The following HMGN4 variants were observed in gnomAD, a reference collection of about 807,000 sequenced individuals.
The protein encoded by HMGN4 is high mobility group nucleosomal binding domain 4, also known as high mobility group nucleosome-binding domain-containing protein 4.
For missense variants in HMGN4, 69 were observed against 104.9 expected (o/e 0.66, Z 1.49); for synonymous variants, 39 against 39.1 (o/e 1.00, Z 0.01).
chr6:26,546,259 T>C lies in HMGN4; in HGVS notation c.*780T>C, dbSNP rs1764349379. The C allele has an allele frequency of 6.0e-6, 1 of 167,094 alleles. No homozygotes were observed. The highest frequency in any genetic ancestry group is 6.5e-5 in the Admixed American group (1 of 15,274). The allele number at this position is 167,094 out of a possible 1,614,324, so 10.4% of individuals were successfully genotyped here. A position where few individuals can be genotyped will look rare whatever the true frequency, so the allele number is the denominator to read the frequency against. ...GAATACAAATTGGTTTGGGGGGAGATCCTTTCCTACCCAAAGTCATAAATA... is the reference window on the plus strand; with the variant it reads ...GAATACAAATTGGTTTGGGGGGAGACCCTTTCCTACCCAAAGTCATAAATA... On this transcript the variant is annotated 3_prime_UTR_variant, in exon 2 of 2. Coordinates refer to ENST00000377575, the MANE Select transcript of HMGN4 (RefSeq NM_006353.3).
intron 1 of HMGN4, among the ~76,000 whole-genome samples, chr6:26,544,715 A>T (rs745735437): frequency 2.0e-5 from 3 of 152,194 alleles, no homozygotes; most frequent in Admixed American, 1.3e-4. Flanking sequence ...TGATTGCTCC[A>T]TATCAGCTGA....
intron 1 of HMGN4, among the ~76,000 whole-genome samples, chr6:26,539,430 C>A (rs954051313): frequency 2.0e-5 from 3 of 151,884 alleles, no homozygotes; most frequent in Admixed American, 6.6e-5. Flanking sequence ...ACACTACACC[C>A]GGATAATTTT....
At chr6:26,539,764 C>T (rs1345800653) in intron 1 of HMGN4, 1 of 151,952 alleles carries the variant, frequency 6.6e-6, no homozygotes, top group Non-Finnish European at 1.5e-5. Context: ...CTTTTGTCAT[C>T]TTGCTGGTTC....
At chr6:26,544,837 C>G (rs1265547436) in intron 1 of HMGN4, among the ~76,000 whole-genome samples, 3 of 152,180 alleles carry the variant, frequency 2.0e-5, no homozygotes, top group Non-Finnish European at 4.4e-5. Flanking sequence ...TTATTCCTCA[C>G]TCATGCTTCC....
intron 1 of HMGN4, among the ~76,000 whole-genome samples, chr6:26,541,074 T>C (rs1381196256): frequency 6.6e-6 from 1 of 152,096 alleles, no homozygotes; most frequent in African/African-American, 2.4e-5. Flanking sequence ...TGAAACAGAA[T>C]CTCACTCTAT....
chr6:26,540,377 C>T (rs1445643969), intron 1 of HMGN4, among the ~76,000 whole-genome samples: 4 of 151,612 alleles, frequency 2.6e-5, no homozygotes, highest in African/African-American at 9.7e-5. Context: ...CTCTGTCACC[C>T]AGGCTGGAGT....
chr6:26,541,175 T>C (rs892996104), intron 1 of HMGN4, among the ~76,000 whole-genome samples: 2 of 152,086 alleles, frequency 1.3e-5, no homozygotes, highest in African/African-American at 4.8e-5. Flanking sequence ...GCATCCTTAG[T>C]AGCTGGGATT....
intron 1 of HMGN4, among the ~76,000 whole-genome samples, chr6:26,539,534 G>A (rs1413835130): frequency 6.6e-6 from 1 of 150,744 alleles, no homozygotes; most frequent in Non-Finnish European, 1.5e-5. Context: ...GCCTCCCAAA[G>A]TGCTGAGATT....
intron 1 of HMGN4, among the ~76,000 whole-genome samples, chr6:26,539,634 T>TAAAAAA (rs61003052): frequency 7.2e-5 from 9 of 124,964 alleles, no homozygotes; most frequent in East Asian, 2.4e-4. Context: ...TCCGCAAAAT[T>TAAAAAA]AAAAAAAAAA....
In HMGN4 at chr6:26,545,298, A is replaced by G; in HGVS notation, c.92A>G (p.Lys31Arg). The change falls in exon 2 of 2, where the codon AAA becomes AGA. Residue 31 changes from lysine to arginine, a missense_variant. Coordinates refer to ENST00000377575, the MANE Select transcript of HMGN4 (RefSeq NM_006353.3). ...AGGAGATCAGCTCGGTTGTCTGCTA[A>G]ACCAGCTCCTCCAAAACCAGAGCCC... is the stretch of plus-strand genomic sequence containing the variant. ...PQRRSARLSA[K>R]PAPPKPEPRP... 2 of 1,614,184 alleles carry G rather than the reference A, an allele frequency of 1.2e-6. No individual in the cohort carries two copies.
In HMGN4 at chr6:26,541,534, T is replaced by G. The variant is rs138006042; in HGVS notation, c.-81+3033T>G. Among the ~76,000 whole-genome samples the G allele has an allele frequency of 5.3e-5, 8 of 152,336 alleles. No individual in the cohort carries two copies. In the East Asian group the frequency reaches 1.5e-3, roughly 29 times the overall value. The stretch of plus-strand genomic sequence containing the variant: ...TTGCAGATGGCCACCTCCCACTACA[T>G]CCTTAGATGTGTTCCTCTATGTTGT... On this transcript the variant is annotated intron_variant, in intron 1 of 1. Transcript: ENST00000377575.
At chr6:26,540,478 G>A (rs1336275534) in intron 1 of HMGN4, among the ~76,000 whole-genome samples, 2 of 152,022 alleles carry the variant, frequency 1.3e-5, no homozygotes, top group African/African-American at 4.8e-5. Context: ...GGGACTATAG[G>A]CATATGCCAC....
At position 26,546,515 on chromosome 6, in the gene HMGN4, A is replaced by T. The variant is rs752010179; in HGVS notation, c.*1036A>T. Among the ~76,000 whole-genome samples, 1 of 152,114 alleles carries T rather than the reference A, an allele frequency of 6.6e-6. No individual in the cohort carries two copies. Among genetic ancestry groups the T allele is most frequent in the Non-Finnish European group, 1.5e-5 (1 of 68,030 alleles). ...TTTGTGTATGTGTGTGGGTCTTTTG[A>T]TGGTTTCTATTCTGACTGACATCAA... On this transcript the variant is annotated 3_prime_UTR_variant, in exon 2 of 2. Transcript: ENST00000377575.
In HMGN4 at chr6:26,545,286, G is replaced by C. The variant is rs748353798; in HGVS notation, c.80G>C (p.Arg27Pro). 6.2e-7 allele frequency: 1 copy of C among 1,614,094 alleles called. No individual in the cohort carries two copies. The highest frequency in any genetic ancestry group is 1.1e-5 in the South Asian group (1 of 91,066). The change falls in exon 2 of 2, where the codon CGG becomes CCG. Residue 27 changes from arginine to proline, a missense_variant. Arg to Pro is a moderately radical substitution (Grantham distance 103). Coordinates refer to ENST00000377575, the MANE Select transcript of HMGN4 (RefSeq NM_006353.3). Reference sequence around the variant, plus strand: ...GATGAGCCACAGAGGAGATCAGCTCGGTTGTCTGCTAAACCAGCTCCTCCA... The same window carrying C: ...GATGAGCCACAGAGGAGATCAGCTCCGTTGTCTGCTAAACCAGCTCCTCCA... ...VKDEPQRRSARLSAKPAPPKP... is the reference protein window; with the variant it reads ...VKDEPQRRSAPLSAKPAPPKP...
At chr6:26,545,085 G>A (rs951769097) in intron 1 of HMGN4, 42 bp from the exon 2 acceptor site, 5 of 768,268 alleles carry the variant, frequency 6.5e-6, no homozygotes, top group Non-Finnish European at 9.9e-6. Flanking sequence ...ACATTCGTCA[G>A]TCTTTCCCTT....
chr6:26,540,582 C>T (rs970335591), intron 1 of HMGN4, among the ~76,000 whole-genome samples: 2 of 152,190 alleles, frequency 1.3e-5, no homozygotes, highest in Non-Finnish European at 2.9e-5. Flanking sequence ...GATCCACCTG[C>T]CTCCACCTCC....
At chr6:26,539,278 T>A (rs1764256768) in intron 1 of HMGN4, among the ~76,000 whole-genome samples, 1 of 152,076 alleles carries the variant, frequency 6.6e-6, no homozygotes, top group Admixed American at 6.5e-5. Context: ...ATGTGATGTG[T>A]TTGTTTTTGT....
In HMGN4 at chr6:26,545,546, C is replaced by A; in HGVS notation, c.*67C>A. The A allele has an allele frequency of 7.0e-7, 1 of 1,426,424 alleles. No homozygotes were observed. The highest frequency in any genetic ancestry group is 1.6e-5 in the South Asian group (1 of 62,858). 88.4% of individuals were successfully genotyped at this position (1,426,424 alleles called of 1,614,324 possible). A position where few individuals can be genotyped will look rare whatever the true frequency, so the allele number is the denominator to read the frequency against. ...TGTTTGAAATACTATTTTTTTAAAT[C>A]AAGTTTTATAAAAGTGTAGAATTTT... is the stretch of plus-strand genomic sequence containing the variant. On this transcript the variant is annotated 3_prime_UTR_variant, in exon 2 of 2. Transcript: ENST00000377575.
intron 1 of HMGN4, among the ~76,000 whole-genome samples, chr6:26,543,251 T>A (rs1488042278): frequency 6.6e-6 from 1 of 152,056 alleles, no homozygotes; most frequent in Non-Finnish European, 1.5e-5. Context: ...TAACTCCTTT[T>A]GTTTCCTAAA....
Sources: gnomAD v4.1 joint callset for allele counts (sites outside exome capture counted in the v4.1 genomes callset) on GRCh38, gnomAD v4.1.1 for gene constraint, MANE v1.5 for transcripts, NCBI Gene and HGNC (gene_info 2026-07-23, HGNC 2026-07-21) for gene names.